EPB41L4A: variants seen among roughly 807,000 people sequenced by gnomAD.
EPB41L4A encodes erythrocyte membrane protein band 4.1 like 4A.
Under a neutral mutation model 108.6 loss-of-function variants are expected in EPB41L4A, and 100 were observed. The observed-to-expected ratio is 0.92, with a 90% CI of 0.78 to 1.09. The LOEUF is 1.09. EPB41L4A is among the 50% of genes least tolerant of loss of function. The probability of loss-of-function intolerance (pLI) is 0.00; values close to 1 mark genes in which losing one functional copy is unlikely to be tolerated. For missense variants in EPB41L4A, 1,030 were observed against 842.7 expected (o/e 1.22, Z -2.75); for synonymous variants, 319 against 289.0 (o/e 1.10, Z -1.05).
Position 112,359,031 on chromosome 5 carries a change from G to T in EPB41L4A, c.100-51541C>A, listed in dbSNP as rs554305860. Among the ~76,000 whole-genome samples the T allele has an allele frequency of 2.4e-3, 366 of 152,260 alleles. 1 individual carries two copies. Among genetic ancestry groups the T allele is most frequent in the African/African-American group, 8.3e-3 (344 of 41,550 alleles). The stretch of plus-strand genomic sequence containing the variant: ...AAATTCAGAAGAGTAATTTACCTCT[G>T]GGTAGGTACTGTTTGAAAAGGGACC... On this transcript the variant is annotated intron_variant, in intron 1 of 22. Transcript: ENST00000261486.
intron 1 of EPB41L4A, among the ~76,000 whole-genome samples, chr5:112,410,293 C>A (rs568265523): frequency 6.6e-6 from 1 of 152,040 alleles, no homozygotes; most frequent in East Asian, 1.9e-4. Context: ...GACTGCCACT[C>A]GCAGCTAGGA....
At chr5:112,166,263 TA>T (rs1358189958) in intron 22 of EPB41L4A, among the ~76,000 whole-genome samples, 1 of 152,220 alleles carries the variant, frequency 6.6e-6, no homozygotes, top group African/African-American at 2.4e-5. Context: ...AGTTGTACCT[TA>T]AAAATGTACC....
chr5:112,159,494 A>T (rs976334589), downstream of EPB41L4A, among the ~76,000 whole-genome samples: 6 of 152,130 alleles, frequency 3.9e-5, no homozygotes, highest in African/African-American at 1.4e-4. Context: ...TAATTAATCA[A>T]CTCTAAGATT....
Position 112,364,305 on chromosome 5 carries a change from C to T in EPB41L4A, c.99+54636G>A, listed in dbSNP as rs532545523. 1.1e-4 allele frequency among the ~76,000 whole-genome samples: 16 copies of T among 152,292 alleles called. No homozygotes were observed. In the South Asian group the frequency reaches 2.5e-3, roughly 24 times the overall value. On this transcript the variant is annotated intron_variant, in intron 1 of 22. Coordinates refer to ENST00000261486, the MANE Select transcript of EPB41L4A (RefSeq NM_022140.5). ...CCTCCCTAAGTGCTGGGATTATAGA[C>T]GTGAACCACCACACCCAGCTGCCAA...
intron 1 of EPB41L4A, among the ~76,000 whole-genome samples, chr5:112,404,993 T>C (rs1007833262): frequency 1.8e-4 from 28 of 152,236 alleles, no homozygotes; most frequent in Admixed American, 1.6e-3. Flanking sequence ...CTGAGGACTA[T>C]GCAGTCTGTC....
intron 1 of EPB41L4A, among the ~76,000 whole-genome samples, chr5:112,418,001 G>A (rs1580871780): frequency 6.6e-6 from 1 of 152,156 alleles, no homozygotes; most frequent in East Asian, 1.9e-4. Context: ...AGGATACTTG[G>A]CAGCCTGAAC....
In EPB41L4A at chr5:112,328,432, T is replaced by A. The variant is rs1396930048; in HGVS notation, c.100-20942A>T. Among the ~76,000 whole-genome samples, 4 of 152,246 alleles carry A rather than the reference T, an allele frequency of 2.6e-5. No homozygotes were observed. The East Asian group carries it at 7.7e-4, about 29-fold the overall frequency. On this transcript the variant is annotated intron_variant, in intron 1 of 22. Transcript: ENST00000261486. ...CTGTATTTTTGAACAGGAAGGGATG[T>A]ATATCTGATAACCACTTTTCCATGG...
chr5:112,228,610 T>G, intron 12 of EPB41L4A: 2 of 732,242 alleles, frequency 2.7e-6, no homozygotes, highest in Non-Finnish European at 1.7e-6. Context: ...GCTTCACCCA[T>G]TACTTTTCTT....
intron 9 of EPB41L4A, among the ~76,000 whole-genome samples, chr5:112,250,089 G>A (rs1250468034): frequency 6.6e-6 from 1 of 152,066 alleles, no homozygotes; most frequent in Non-Finnish European, 1.5e-5. Context: ...AAATCACTGT[G>A]CATTTCAGCT....
At chr5:112,173,870 T>C in intron 18 of EPB41L4A, among the ~76,000 whole-genome samples, 1 of 152,064 alleles carries the variant, frequency 6.6e-6, no homozygotes, top group Admixed American at 6.6e-5. Context: ...TCTCCATCTC[T>C]TGACCTCATA....
At chr5:112,276,893 T>C (rs1219937091) in intron 3 of EPB41L4A, among the ~76,000 whole-genome samples, 6 of 152,186 alleles carry the variant, frequency 3.9e-5, no homozygotes, top group Non-Finnish European at 7.3e-5. Context: ...CCTTCCTGTG[T>C]AAAGACACTC....
intron 1 of EPB41L4A, among the ~76,000 whole-genome samples, chr5:112,356,119 T>G (rs1224644135): frequency 6.6e-6 from 1 of 152,156 alleles, no homozygotes; most frequent in Non-Finnish European, 1.5e-5. Context: ...TGTATAAAAC[T>G]TAATACTCCA....
chr5:112,321,228 A>G (rs748462191), intron 1 of EPB41L4A, among the ~76,000 whole-genome samples: 16 of 152,214 alleles, frequency 1.1e-4, no homozygotes, highest in South Asian at 2.1e-4. Context: ...TGGAAGACCA[A>G]TGGGCATTGG....
intron 15 of EPB41L4A, among the ~76,000 whole-genome samples, chr5:112,203,589 C>T (rs908366089): frequency 1.3e-5 from 2 of 152,138 alleles, no homozygotes; most frequent in African/African-American, 4.8e-5. Flanking sequence ...CATACACACA[C>T]AAATATTATC....
intron 9 of EPB41L4A, among the ~76,000 whole-genome samples, chr5:112,252,702 G>A (rs1283745264): frequency 6.6e-6 from 1 of 152,078 alleles, no homozygotes; most frequent in East Asian, 1.9e-4. Context: ...TACTGGATGG[G>A]GGAGGCATGG....
chr5:112,255,796 T>C (rs1402512619), intron 9 of EPB41L4A, among the ~76,000 whole-genome samples: 1 of 152,166 alleles, frequency 6.6e-6, no homozygotes. Context: ...CAGGCTCACA[T>C]AGCTCACTTC....
chr5:112,158,836 G>C (rs1257976968), downstream of EPB41L4A, among the ~76,000 whole-genome samples: 2 of 151,956 alleles, frequency 1.3e-5, no homozygotes, highest in Admixed American at 6.5e-5. Flanking sequence ...GGGGAGTATG[G>C]GAACTACAAT....
intron 15 of EPB41L4A, among the ~76,000 whole-genome samples, chr5:112,196,036 T>C (rs1761951544): frequency 6.6e-6 from 1 of 152,182 alleles, no homozygotes; most frequent in African/African-American, 2.4e-5. Flanking sequence ...CTCACTTGGA[T>C]GCCCTTTCCC....
chr5:112,213,371 T>C (rs1300728590), intron 12 of EPB41L4A, among the ~76,000 whole-genome samples: 3 of 149,804 alleles, frequency 2.0e-5, no homozygotes, highest in Non-Finnish European at 4.4e-5. Flanking sequence ...TTTTTTAAGA[T>C]AGACTCTTGC....
Sources: gnomAD v4.1 joint callset for allele counts (sites outside exome capture counted in the v4.1 genomes callset) on GRCh38, gnomAD v4.1.1 for gene constraint, MANE v1.5 for transcripts, NCBI Gene and HGNC (gene_info 2026-07-23, HGNC 2026-07-21) for gene names.